Variants in NLRP12 observed in about 807,000 individuals in gnomAD.
The protein encoded by NLRP12 is NLR family pyrin domain containing 12, also known as NACHT, LRR and PYD domains-containing protein 12.
NLRP12 carries 108 observed loss-of-function variants against 91.2 expected under a neutral mutation model. The ratio of observed to expected loss-of-function variants is 1.18; its 90% CI spans 1.01 to 1.39. The LOEUF is 1.39. Ranked by LOEUF, NLRP12 falls within the 40% of genes most tolerant of loss-of-function variation. The probability of loss-of-function intolerance (pLI) is 0.00; values close to 1 mark genes in which losing one functional copy is unlikely to be tolerated. For missense variants in NLRP12, 1,530 were observed against 1,352.7 expected, an observed-to-expected ratio of 1.13 and a Z score of -2.06; for synonymous variants, 613 against 566.7, an observed-to-expected ratio of 1.08 and a Z score of -1.16.
chr19:53,818,511 C>T (rs1329085408), intron 1 of NLRP12, among the ~76,000 whole-genome samples: 4 of 151,490 alleles, frequency 2.6e-5, no homozygotes, highest in East Asian at 1.9e-4. Flanking sequence ...ACTATAAATA[C>T]GAAATTAGCC....
At chr19:53,813,209 G>C (rs1599849504) in intron 2 of NLRP12, among the ~76,000 whole-genome samples, 1 of 148,764 alleles carries the variant, frequency 6.7e-6, no homozygotes, top group Non-Finnish European at 1.5e-5. Flanking sequence ...AATGCTTTCA[G>C]CATTCTAAAC....
intron 8 of NLRP12, among the ~76,000 whole-genome samples, chr19:53,797,004 A>G (rs7248245): frequency 0.54 from 82,441 of 151,310 alleles, 22,822 homozygotes; most frequent in South Asian, 0.63. Flanking sequence ...AAAAAATCCC[A>G]AATAAACTAG....
intron 2 of NLRP12, among the ~76,000 whole-genome samples, chr19:53,812,779 TTTAA>T (rs1218502957): frequency 6.6e-6 from 1 of 152,178 alleles, no homozygotes; most frequent in Non-Finnish European, 1.5e-5. Context: ...TATGTGTACT[TTTAA>T]TTATAGTGAC....
At position 53,801,318 on chromosome 19, in the gene NLRP12, G is replaced by A. The variant is rs369807977; in HGVS notation, c.2665C>T (p.Leu889=). The A allele has an allele frequency of 5.0e-6, 8 of 1,613,860 alleles. No homozygotes were observed. The African/African-American group carries it at 5.3e-5, about 11-fold the overall frequency. ...CCCAGCTCATTCAGGCTCAGGTCCA[G>A]CTCTCTCAGGCTCTGGTTCACACTG... The part of the protein sequence containing the change: ...TLSVNQSLRE[L]DLSLNELGDL... The change falls in exon 7 of 10, where the codon CTG becomes TTG. Residue 889 remains leucine, a synonymous_variant. Coordinates refer to ENST00000324134, the MANE Select transcript of NLRP12 (RefSeq NM_144687.4).
intron 7 of NLRP12, among the ~76,000 whole-genome samples, chr19:53,800,523 G>A (rs762675870): frequency 4.6e-5 from 7 of 152,000 alleles, no homozygotes; most frequent in Non-Finnish European, 8.8e-5. Context: ...GGGACAGAGA[G>A]CAGAAGGCAT....
At chr19:53,806,206 C>A (rs1270243633) in intron 4 of NLRP12, among the ~76,000 whole-genome samples, 3 of 151,770 alleles carry the variant, frequency 2.0e-5, no homozygotes, top group African/African-American at 7.3e-5. Context: ...TGCACTCCAG[C>A]CCAGGCTACA....
At position 53,811,288 on chromosome 19, in the gene NLRP12, T is replaced by C; in HGVS notation, c.371A>G (p.Asp124Gly). ...ATAGTCCCTGTAGGTTTCCTGGGGA[T>C]CTAGGGGAGAGGAATGAAGGTTTTG... ...LEVSLVTPRK[D>G]PQETYRDYVR... Residue 124 changes from aspartate (D) to glycine (G), a missense_variant and splice_region_variant, in exon 3 of 10, where the codon GAT (aspartate) becomes GGT (glycine). Physicochemically the swap from Asp to Gly is moderately conservative, Grantham distance 94 (BLOSUM62 -1). Transcript: ENST00000324134. 3 of 1,613,606 alleles carry C rather than the reference T, an allele frequency of 1.9e-6. No individual in the cohort carries two copies. The highest frequency in any genetic ancestry group is 2.2e-5 in the South Asian group (2 of 91,074).
At position 53,794,049 on chromosome 19, in the gene NLRP12, TCAGCAGC is replaced by T; in HGVS notation, c.3179_3185del (p.Gly1060GlufsTer10). ...GGGGAGAGCCAGCAGATAGGACCATTCAGCAGCCAATGTCCAAATAAGGTTTTGTTAC... is the reference window on the plus strand; with the variant it reads ...GGGGAGAGCCAGCAGATAGGACCATTCAATGTCCAAATAAGGTTTTGTTAC... On this transcript the variant is annotated frameshift_variant and stop_lost, in exon 10 of 10. Transcript: ENST00000324134. LOFTEE classifies it high-confidence loss of function. 6.2e-7 allele frequency: 1 copy of T among 1,611,094 alleles called. No homozygotes were observed. Among genetic ancestry groups the T allele is most frequent in the Non-Finnish European group, 8.5e-7 (1 of 1,177,270 alleles).
intron 1 of NLRP12, among the ~76,000 whole-genome samples, chr19:53,823,414 T>TAATTTAAAATATA: frequency 1.0e-5 from 1 of 98,062 alleles, no homozygotes; most frequent in South Asian, 2.5e-4. Context: ...TTAAAATATA[T>TAATTTAAAATATA]GTTTTAAATA....
intron 2 of NLRP12, among the ~76,000 whole-genome samples, chr19:53,812,725 TAAAAAA>T (rs952689255): frequency 1.3e-5 from 2 of 151,834 alleles, no homozygotes; most frequent in South Asian, 4.2e-4. Flanking sequence ...GAGAGAAGCT[TAAAAAA>T]AAGAATCTGA....
At chr19:53,817,787 CTATTTATT>C (rs375251407) in intron 1 of NLRP12, among the ~76,000 whole-genome samples, 1 of 151,756 alleles carries the variant, frequency 6.6e-6, no homozygotes, top group South Asian at 2.1e-4. Flanking sequence ...TATTTTAGCA[CTATTTATT>C]TATTTATTTA....
chr19:53,804,440 C>T (rs1476231473), intron 5 of NLRP12, among the ~76,000 whole-genome samples: 4 of 147,694 alleles, frequency 2.7e-5, no homozygotes, highest in Admixed American at 2.0e-4. Flanking sequence ...ATTCTGTCAC[C>T]CAGGCTGGAG....
Position 53,793,818 on chromosome 19 carries a change from C to T in NLRP12, c.*231G>A. On this transcript the variant is annotated 3_prime_UTR_variant, in exon 10 of 10. Coordinates refer to ENST00000324134, the MANE Select transcript of NLRP12 (RefSeq NM_144687.4). ...GCCAGGCTAATCTCAAACTCCTGAC[C>T]TCGTGATCCACCTGCCTCGGCCTCT... is the stretch of plus-strand genomic sequence containing the variant. The T allele has an allele frequency of 4.9e-6, 3 of 609,882 alleles. No individual in the cohort carries two copies. Among genetic ancestry groups the T allele is most frequent in the South Asian group, 3.7e-5 (2 of 53,750 alleles). The allele number at this position is 609,882 out of a possible 1,614,324, so 37.8% of individuals were successfully genotyped here. A position where few individuals can be genotyped will look rare whatever the true frequency, so the allele number is the denominator to read the frequency against.
At chr19:53,801,720 A>G (rs1213228169) in intron 6 of NLRP12, among the ~76,000 whole-genome samples, 1 of 151,536 alleles carries the variant, frequency 6.6e-6, no homozygotes, top group Non-Finnish European at 1.5e-5. Context: ...CTCCCAAAGG[A>G]CTGGAATTAC....
intron 6 of NLRP12, among the ~76,000 whole-genome samples, chr19:53,803,199 G>A (rs574816398): frequency 6.9e-6 from 1 of 145,906 alleles, no homozygotes; most frequent in African/African-American, 2.5e-5. Flanking sequence ...TTTTTTTTTT[G>A]AGACGGAGTT....
At chr19:53,821,050 T>TTC (rs2092258736) in intron 1 of NLRP12, among the ~76,000 whole-genome samples, 1 of 143,228 alleles carries the variant, frequency 7.0e-6, no homozygotes, top group African/African-American at 2.6e-5. Context: ...TTTTTTTTTT[T>TTC]TTTGAGACAG....
At chr19:53,811,578 A>T (rs912805045) in intron 2 of NLRP12, among the ~76,000 whole-genome samples, 1 of 144,322 alleles carries the variant, frequency 6.9e-6, no homozygotes, top group South Asian at 2.2e-4. Flanking sequence ...AGACTGGCTA[A>T]TTTTTTTTTT....
chr19:53,794,236 A>G lies in NLRP12; in HGVS notation c.3099-100T>C. 3.5e-6 allele frequency: 3 copies of G among 846,758 alleles called. No homozygotes were observed. In the South Asian group the frequency reaches 4.1e-5, roughly 12 times the overall value. The allele number at this position is 846,758 out of a possible 1,614,324, so 52.5% of individuals were successfully genotyped here. The stretch of plus-strand genomic sequence containing the variant: ...TGCACTACCGTGGTAAGATAATTCC[A>G]TGATCCTCCAGAAATTCCACCCAAC... On this transcript the variant is annotated intron_variant, in intron 9 of 9. Transcript: ENST00000324134.
chr19:53,805,821 A>G, intron 4 of NLRP12: 1 of 300,006 alleles, frequency 3.3e-6, no homozygotes, highest in South Asian at 3.2e-5. Flanking sequence ...CCTGGCCAAT[A>G]TATTTATTTC....
Sources: allele counts gnomAD v4.1 joint callset (sites outside exome capture counted in the v4.1 genomes callset), GRCh38; gene constraint gnomAD v4.1.1; transcripts MANE v1.5; gene names NCBI Gene and HGNC (gene_info 2026-07-23, HGNC 2026-07-21).